The following EPHA7 variants were observed in gnomAD, a reference collection of about 807,000 sequenced individuals.
EPHA7 encodes the protein ephrin type-A receptor 7.
EPHA7 carries 25 observed loss-of-function variants against 112.6 expected under a neutral mutation model. That is an observed-to-expected ratio of 0.22 (90% CI 0.16 to 0.31). The LOEUF (loss-of-function observed/expected upper bound fraction) is 0.31, where lower values mean the gene tolerates loss of function less well. Among genes scored for constraint, EPHA7 ranks in the 10% least tolerant of loss-of-function variants. The pLI, the probability that EPHA7 is intolerant of heterozygous loss-of-function variation, is 1.00. For missense variants in EPHA7, 962 were observed against 1,212.6 expected (o/e 0.79, Z 3.07); for synonymous variants, 437 against 406.5 (o/e 1.07, Z -0.90).
At chr6:93,272,159 A>G (rs1398084114) in intron 6 of EPHA7, 139 bp downstream of exon 6, 3 of 840,316 alleles carry the variant, frequency 3.6e-6, no homozygotes, top group South Asian at 1.7e-5. Flanking sequence ...AGAGATGGTT[A>G]TTATAAATGG....
chr6:93,331,082 T>C (rs1774569599), intron 5 of EPHA7, among the ~76,000 whole-genome samples: 1 of 151,450 alleles, frequency 6.6e-6, no homozygotes, highest in African/African-American at 2.4e-5. Flanking sequence ...AATGGCTATT[T>C]GGAGAAAAGT....
At chr6:93,312,982 A>G (rs1332258595) in intron 5 of EPHA7, among the ~76,000 whole-genome samples, 2 of 152,192 alleles carry the variant, frequency 1.3e-5, no homozygotes, top group Non-Finnish European at 2.9e-5. Context: ...TTCTACAGGC[A>G]TGGCTTATGG....
intron 5 of EPHA7, among the ~76,000 whole-genome samples, chr6:93,324,202 A>G (rs1310922389): frequency 3.1e-5 from 4 of 130,180 alleles, no homozygotes; most frequent in African/African-American, 1.0e-4. Context: ...TAGTCCTGGG[A>G]TAACTTCCTT....
chr6:93,336,506 G>A (rs1179696256), intron 5 of EPHA7, among the ~76,000 whole-genome samples: 1 of 152,100 alleles, frequency 6.6e-6, no homozygotes, highest in Non-Finnish European at 1.5e-5. Flanking sequence ...GGGTTCAAGT[G>A]ATTCTCCTGC....
chr6:93,248,454 T>G (rs1770056514), intron 14 of EPHA7, among the ~76,000 whole-genome samples: 1 of 152,120 alleles, frequency 6.6e-6, no homozygotes, highest in Non-Finnish European at 1.5e-5. Flanking sequence ...GTATAAAATT[T>G]AAGACCAAAC....
At chr6:93,416,897 G>A (rs1779261187) in intron 1 of EPHA7, among the ~76,000 whole-genome samples, 1 of 152,038 alleles carries the variant, frequency 6.6e-6, no homozygotes, top group Admixed American at 6.5e-5. Context: ...GGGGCGGGGC[G>A]GGGGCTGCCA....
chr6:93,418,965 C>G lies in EPHA7; in HGVS notation c.97+280G>C, dbSNP rs551701651. ...CGGCAGTTCCTCCAACCCCACCCCA[C>G]CCCCGTTGCTGCTCACGCCCTCCAG... On this transcript the variant is annotated intron_variant, in intron 1 of 16. Coordinates refer to ENST00000369303, the MANE Select transcript of EPHA7 (RefSeq NM_004440.4). Among the ~76,000 whole-genome samples, 462 of 152,312 alleles carry G rather than the reference C, an allele frequency of 3.0e-3. 3 individuals are homozygous for G. The highest frequency in any genetic ancestry group is 5.1e-3 in the Non-Finnish European group (349 of 68,018).
At chr6:93,332,524 CAATTAT>C (rs1774647411) in intron 5 of EPHA7, among the ~76,000 whole-genome samples, 1 of 148,322 alleles carries the variant, frequency 6.7e-6, no homozygotes, top group Admixed American at 6.7e-5. Context: ...TATAGGAACT[CAATTAT>C]AATGTTAAAT....
At chr6:93,305,621 A>C (rs187596814) in intron 5 of EPHA7, among the ~76,000 whole-genome samples, 3 of 152,066 alleles carry the variant, frequency 2.0e-5, no homozygotes, top group African/African-American at 7.2e-5. Flanking sequence ...TCTTCAATAA[A>C]ATTTAATGTT....
At chr6:93,370,851 A>G (rs901522551) in intron 3 of EPHA7, among the ~76,000 whole-genome samples, 1 of 152,126 alleles carries the variant, frequency 6.6e-6, no homozygotes, top group African/African-American at 2.4e-5. Context: ...GTGAACTCAG[A>G]AAAAGCACAG....
chr6:93,253,699 C>T (rs1770315395), intron 14 of EPHA7, among the ~76,000 whole-genome samples: 1 of 152,082 alleles, frequency 6.6e-6, no homozygotes, highest in African/African-American at 2.4e-5. Flanking sequence ...TCATACACCT[C>T]TAAACCTTAA....
At chr6:93,297,321 C>A (rs969487046) in intron 5 of EPHA7, among the ~76,000 whole-genome samples, 7 of 151,994 alleles carry the variant, frequency 4.6e-5, no homozygotes, top group African/African-American at 1.7e-4. Context: ...GTAGACTCTA[C>A]ATGAACTAGG....
At chr6:93,260,061 C>G (rs1030934536) in intron 9 of EPHA7, among the ~76,000 whole-genome samples, 5 of 151,864 alleles carry the variant, frequency 3.3e-5, no homozygotes, top group African/African-American at 1.2e-4. Flanking sequence ...GAGATATCTT[C>G]TAAAGACAGT....
At chr6:93,265,317 A>G (rs1186436520) in intron 7 of EPHA7, among the ~76,000 whole-genome samples, 1 of 151,742 alleles carries the variant, frequency 6.6e-6, no homozygotes, top group African/African-American at 2.4e-5. Context: ...TAGCTAGCCT[A>G]TTTTAGAAAA....
chr6:93,255,686 A>T lies in EPHA7; in HGVS notation c.2382+142T>A, dbSNP rs563273579. On this transcript the variant is annotated intron_variant, in intron 13 of 16. Transcript: ENST00000369303. The stretch of plus-strand genomic sequence containing the variant: ...AATGATTCTTCCAGAAAAACAAAAA[A>T]CAAAAAACAAAAAAAGCAACCTCAA... 2.5e-4 allele frequency: 169 copies of T among 676,288 alleles called. 1 individual carries two copies. The African/African-American group carries it at 2.7e-3, about 11-fold the overall frequency. 41.9% of individuals were successfully genotyped at this position (676,288 alleles called of 1,614,324 possible). A position where few individuals can be genotyped will look rare whatever the true frequency, so the allele number is the denominator to read the frequency against.
At chr6:93,361,984 T>C (rs1349074198) in intron 3 of EPHA7, among the ~76,000 whole-genome samples, 1 of 152,096 alleles carries the variant, frequency 6.6e-6, no homozygotes, top group Non-Finnish European at 1.5e-5. Flanking sequence ...TGTATAAAAA[T>C]TGTTTTAAAT....
At chr6:93,352,106 G>T (rs938816327) in intron 5 of EPHA7, among the ~76,000 whole-genome samples, 5 of 152,136 alleles carry the variant, frequency 3.3e-5, no homozygotes, top group African/African-American at 1.2e-4. Context: ...TTTTTGTACA[G>T]CTAGTATGCA....
At chr6:93,279,957 G>C (rs766813451) in intron 5 of EPHA7, among the ~76,000 whole-genome samples, 19 of 152,144 alleles carry the variant, frequency 1.2e-4, no homozygotes, top group Non-Finnish European at 2.4e-4. Context: ...TGCCCAAAAG[G>C]TATGATTACT....
intron 3 of EPHA7, among the ~76,000 whole-genome samples, chr6:93,405,616 G>T (rs1006544186): frequency 6.6e-6 from 1 of 151,144 alleles, no homozygotes; most frequent in Admixed American, 6.6e-5. Flanking sequence ...ATTCTGACAA[G>T]AACCCTATGA....
Sources: gnomAD v4.1 joint callset for allele counts (sites outside exome capture counted in the v4.1 genomes callset) on GRCh38, gnomAD v4.1.1 for gene constraint, MANE v1.5 for transcripts, NCBI Gene and HGNC (gene_info 2026-07-23, HGNC 2026-07-21) for gene names.